Variants in UBTD2 observed in about 807,000 individuals in gnomAD.
The protein encoded by UBTD2 is ubiquitin domain-containing protein 2.
UBTD2 carries 9 observed loss-of-function variants against 19.8 expected under a neutral mutation model. The observed-to-expected ratio is 0.46, with a 90% CI of 0.27 to 0.79. The LOEUF (loss-of-function observed/expected upper bound fraction) is 0.79. Among genes scored for constraint, UBTD2 ranks in the 30% least tolerant of loss-of-function variants. The pLI, the probability that UBTD2 is intolerant of heterozygous loss-of-function variation, is 0.14. For missense variants in UBTD2, 250 were observed against 300.4 expected (o/e 0.83, Z 1.24); for synonymous variants, 98 against 103.9 (o/e 0.94, Z 0.35).
chr5:172,263,285 A>C (rs1034370495), intron 1 of UBTD2, among the ~76,000 whole-genome samples: 2 of 152,184 alleles, frequency 1.3e-5, no homozygotes, highest in South Asian at 2.1e-4. Flanking sequence ...TGAGATAGTT[A>C]CATACAAGTT....
At chr5:172,237,447 T>C (rs967391535) in intron 1 of UBTD2, among the ~76,000 whole-genome samples, 1 of 152,214 alleles carries the variant, frequency 6.6e-6, no homozygotes, top group East Asian at 1.9e-4. Flanking sequence ...ATTTGTGACA[T>C]GAAGGAAGAT....
intron 1 of UBTD2, among the ~76,000 whole-genome samples, chr5:172,260,230 T>C (rs1176278435): frequency 1.3e-5 from 2 of 152,206 alleles, no homozygotes; most frequent in Non-Finnish European, 2.9e-5. Context: ...ATCAGAAGTA[T>C]TTCTTGGTGG....
chr5:172,265,726 G>A (rs774984788), intron 1 of UBTD2, among the ~76,000 whole-genome samples: 4 of 152,124 alleles, frequency 2.6e-5, no homozygotes, highest in Non-Finnish European at 5.9e-5. Context: ...ATTTATTGCA[G>A]ATGTACTAGG....
At chr5:172,271,500 C>G (rs947271613) in intron 1 of UBTD2, among the ~76,000 whole-genome samples, 28 of 151,832 alleles carry the variant, frequency 1.8e-4, no homozygotes, top group African/African-American at 5.8e-4. Context: ...CCCTGCCCCC[C>G]ACTCCTCCTT....
chr5:172,227,087 T>C (rs1429168439), intron 2 of UBTD2, among the ~76,000 whole-genome samples: 1 of 152,150 alleles, frequency 6.6e-6, no homozygotes, highest in Non-Finnish European at 1.5e-5. Context: ...GTAAAGCTGA[T>C]CTGGCTTTAC....
At chr5:172,267,569 TATAAC>T (rs1244399627) in intron 1 of UBTD2, among the ~76,000 whole-genome samples, 1 of 152,062 alleles carries the variant, frequency 6.6e-6, no homozygotes, top group African/African-American at 2.4e-5. Flanking sequence ...TCGGAGAAAA[TATAAC>T]TTAAGTCATA....
chr5:172,258,941 T>C (rs1002838828), intron 1 of UBTD2, among the ~76,000 whole-genome samples: 2 of 152,156 alleles, frequency 1.3e-5, no homozygotes, highest in African/African-American at 4.8e-5. Flanking sequence ...TTTTATTTCT[T>C]TCTCTTACCT....
chr5:172,277,257 T>G (rs1266429896), intron 1 of UBTD2, among the ~76,000 whole-genome samples: 1 of 152,114 alleles, frequency 6.6e-6, no homozygotes, highest in Non-Finnish European at 1.5e-5. Flanking sequence ...GTTTTCCACT[T>G]CTTGTTGAGA....
In UBTD2 at chr5:172,272,192, T is replaced by C. The variant is rs529596698; in HGVS notation, c.70+11404A>G. Among the ~76,000 whole-genome samples the C allele has an allele frequency of 9.8e-5, 15 of 152,350 alleles. No homozygotes were observed. In the South Asian group the frequency reaches 3.1e-3, roughly 32 times the overall value. On this transcript the variant is annotated intron_variant, in intron 1 of 2. Coordinates refer to ENST00000393792, the MANE Select transcript of UBTD2 (RefSeq NM_152277.3). ...ACTCAGCAGTATTTAACCGCTCAGC[T>C]CAATATACGGATATATTAAAAACCA...
At chr5:172,244,680 C>A (rs992434004) in intron 1 of UBTD2, among the ~76,000 whole-genome samples, 1 of 152,098 alleles carries the variant, frequency 6.6e-6, no homozygotes, top group Non-Finnish European at 1.5e-5. Flanking sequence ...TATCTCCCTA[C>A]TGATTATGCC....
At chr5:172,269,574 C>T (rs1360068629) in intron 1 of UBTD2, among the ~76,000 whole-genome samples, 2 of 151,318 alleles carry the variant, frequency 1.3e-5, no homozygotes, top group Non-Finnish European at 2.9e-5. Context: ...CTCCTTTCAA[C>T]AATGAAAGAA....
At chr5:172,278,752 TTA>T (rs1463244291) in intron 1 of UBTD2, among the ~76,000 whole-genome samples, 1 of 152,132 alleles carries the variant, frequency 6.6e-6, no homozygotes, top group Non-Finnish European at 1.5e-5. Flanking sequence ...ACGGTAATTG[TTA>T]TATGTTTTGC....
At chr5:172,215,086 A>G (rs1029956551) in intron 2 of UBTD2, among the ~76,000 whole-genome samples, 3 of 152,168 alleles carry the variant, frequency 2.0e-5, no homozygotes, top group African/African-American at 7.2e-5. Flanking sequence ...GGGAAACCTC[A>G]AATGTAACCA....
intron 1 of UBTD2, among the ~76,000 whole-genome samples, chr5:172,271,241 T>G (rs966244397): frequency 6.6e-6 from 1 of 151,894 alleles, no homozygotes; most frequent in Non-Finnish European, 1.5e-5. Context: ...CCATCCTGGC[T>G]AACACAGTGA....
intron 2 of UBTD2, among the ~76,000 whole-genome samples, chr5:172,220,844 G>A (rs1771636488): frequency 6.6e-6 from 1 of 152,126 alleles, no homozygotes; most frequent in Non-Finnish European, 1.5e-5. Context: ...TTTGTTTGCA[G>A]ATGACATACT....
At chr5:172,256,967 C>T (rs968475361) in intron 1 of UBTD2, among the ~76,000 whole-genome samples, 2 of 152,146 alleles carry the variant, frequency 1.3e-5, no homozygotes, top group Non-Finnish European at 2.9e-5. Context: ...TTTCTTCCTT[C>T]TTGATGAATT....
chr5:172,282,891 TA>T (rs1277590891), intron 1 of UBTD2, among the ~76,000 whole-genome samples: 1 of 152,164 alleles, frequency 6.6e-6, no homozygotes, highest in East Asian at 1.9e-4. Flanking sequence ...CTTGTACTTT[TA>T]TCCTACATAT....
At chr5:172,278,709 T>C (rs1316327805) in intron 1 of UBTD2, among the ~76,000 whole-genome samples, 2 of 152,190 alleles carry the variant, frequency 1.3e-5, no homozygotes, top group Admixed American at 6.5e-5. Context: ...ATATAATCAA[T>C]GCCACTGAAT....
intron 1 of UBTD2, among the ~76,000 whole-genome samples, chr5:172,243,126 C>CA (rs1304880352): frequency 7.6e-6 from 1 of 132,056 alleles, no homozygotes; most frequent in African/African-American, 2.8e-5. Flanking sequence ...CCATGACTGG[C>CA]CTTTTTTTTT....
Sources: gnomAD v4.1 joint callset for allele counts (sites outside exome capture counted in the v4.1 genomes callset) on GRCh38, gnomAD v4.1.1 for gene constraint, MANE v1.5 for transcripts, NCBI Gene and HGNC (gene_info 2026-07-23, HGNC 2026-07-21) for gene names.